Variants in SLBP observed in about 807,000 individuals in gnomAD.
The protein encoded by SLBP is histone RNA hairpin-binding protein.
SLBP carries 29 observed loss-of-function variants against 39.2 expected under a neutral mutation model. That is an observed-to-expected ratio of 0.74 (90% confidence interval 0.55 to 1.01). The LOEUF is 1.01. SLBP is among the 50% of genes least tolerant of loss of function. The probability of loss-of-function intolerance (pLI) is 0.00; values close to 1 mark genes in which losing one functional copy is unlikely to be tolerated. For missense variants in SLBP, 390 were observed against 350.2 expected, an observed-to-expected ratio of 1.11 and a Z score of -0.91; for synonymous variants, 129 against 118.7, an observed-to-expected ratio of 1.09 and a Z score of -0.57.
intron 2 of SLBP, among the ~76,000 whole-genome samples, chr4:1,710,604 T>G (rs868519151): frequency 1.3e-5 from 2 of 152,208 alleles, no homozygotes; most frequent in East Asian, 3.8e-4. Flanking sequence ...AGGAGAAAGA[T>G]CTACATGTTC....
At chr4:1,703,306 T>G (rs1716399401) in intron 3 of SLBP, among the ~76,000 whole-genome samples, 1 of 151,398 alleles carries the variant, frequency 6.6e-6, no homozygotes, top group Admixed American at 6.6e-5. Flanking sequence ...AACACCATTG[T>G]GCACCTACTT....
chr4:1,694,688 G>A (rs1716040628), intron 7 of SLBP, 86 bp downstream of exon 7: 1 of 1,012,860 alleles, frequency 9.9e-7, no homozygotes, highest in Non-Finnish European at 1.6e-6. Flanking sequence ...ACCGTGCCCA[G>A]TCCAAACTTC....
At chr4:1,709,569 TGACGCCTGC>T (rs1016337264) in intron 2 of SLBP, among the ~76,000 whole-genome samples, 1 of 151,968 alleles carries the variant, frequency 6.6e-6, no homozygotes, top group African/African-American at 2.4e-5. Flanking sequence ...ATTACGCCTA[TGACGCCTGC>T]CTCCCTTTCA....
intron 5 of SLBP, among the ~76,000 whole-genome samples, chr4:1,698,292 C>T (rs1027892133): frequency 1.3e-5 from 2 of 151,022 alleles, no homozygotes; most frequent in African/African-American, 4.9e-5. Context: ...TGAAATTGCG[C>T]CACTGCACTC....
chr4:1,702,682 G>A (rs1716369831), intron 3 of SLBP, among the ~76,000 whole-genome samples: 1 of 152,220 alleles, frequency 6.6e-6, no homozygotes, highest in South Asian at 2.1e-4. Flanking sequence ...ATTAAACATG[G>A]TTAAGGATGC....
intron 3 of SLBP, 100 bp from the exon 4 acceptor site, chr4:1,700,170 T>A: frequency 4.3e-6 from 3 of 691,564 alleles, no homozygotes; most frequent in Non-Finnish European, 7.2e-6. Context: ...CACACCATCC[T>A]ATGCAATCCA....
At chr4:1,711,294 G>T (rs1009395089) in intron 2 of SLBP, among the ~76,000 whole-genome samples, 1 of 151,406 alleles carries the variant, frequency 6.6e-6, no homozygotes, top group Non-Finnish European at 1.5e-5. Context: ...GCCTTTCAGG[G>T]AACTCAGGAG....
intron 2 of SLBP, 26 bp downstream of exon 2, chr4:1,711,847 GC>G (rs1445198918): frequency 8.1e-7 from 1 of 1,232,008 alleles, no homozygotes; most frequent in African/African-American, 1.6e-5. Flanking sequence ...GCCCCACCGC[GC>G]CCCGACCCCC....
intron 2 of SLBP, among the ~76,000 whole-genome samples, chr4:1,707,669 G>T (rs375083068): frequency 6.6e-6 from 1 of 151,834 alleles, no homozygotes; most frequent in South Asian, 2.1e-4. Flanking sequence ...ATACTGGGCC[G>T]GGTGCACAGG....
At chr4:1,694,102 A>G (rs1716017161) in intron 7 of SLBP, among the ~76,000 whole-genome samples, 1 of 152,222 alleles carries the variant, frequency 6.6e-6, no homozygotes, top group Non-Finnish European at 1.5e-5. Context: ...TTTTCTCTTG[A>G]GACAGAGTCT....
chr4:1,693,437 A>C lies in SLBP; in HGVS notation c.*160T>G. The C allele has an allele frequency of 6.6e-6, 4 of 605,618 alleles. No individual in the cohort carries two copies. The highest frequency in any genetic ancestry group is 1.2e-5 in the Non-Finnish European group (4 of 336,482). 37.5% of individuals were successfully genotyped at this position (605,618 alleles called of 1,614,324 possible). A position where few individuals can be genotyped will look rare whatever the true frequency, so the allele number is the denominator to read the frequency against. ...AAATATACTCACTATACATAAAATT[A>C]ATGTTTCTTAAGAAAGTAAGGCAAA... is the stretch of plus-strand genomic sequence containing the variant. On this transcript the variant is annotated 3_prime_UTR_variant, in exon 8 of 8. Coordinates refer to ENST00000489418, the MANE Select transcript of SLBP (RefSeq NM_006527.4).
intron 2 of SLBP, among the ~76,000 whole-genome samples, chr4:1,709,674 C>T (rs542870303): frequency 8.6e-4 from 128 of 148,278 alleles, no homozygotes; most frequent in African/African-American, 3.1e-3. Flanking sequence ...TGTAGTGGGG[C>T]GATCTCGGCT....
At chr4:1,706,806 GGA>G (rs1415895151) in intron 2 of SLBP, among the ~76,000 whole-genome samples, 2 of 151,818 alleles carry the variant, frequency 1.3e-5, no homozygotes, top group African/African-American at 4.8e-5. Flanking sequence ...CCAGCCTGGG[GGA>G]GAGAGACCCC....
rs371925854 is a variant in SLBP, at chr4:1,699,501, G to A, written c.479+63C>T. 11 of 1,556,418 alleles carry A rather than the reference G, an allele frequency of 7.1e-6. No individual in the cohort carries two copies. The African/African-American group carries it at 1.5e-4, about 21-fold the overall frequency. On this transcript the variant is annotated intron_variant, in intron 5 of 7. Transcript: ENST00000489418. ...GCATCATTTGTACTACCCAATCTAAGCAACTCTTTAGAAACGCAATGCCAC... is the reference window on the plus strand; with the variant it reads ...GCATCATTTGTACTACCCAATCTAAACAACTCTTTAGAAACGCAATGCCAC...
Position 1,708,931 on chromosome 4 carries a change from G to A in SLBP, c.176+2943C>T, listed in dbSNP as rs80341698. Among the ~76,000 whole-genome samples, 327 of 152,316 alleles carry A rather than the reference G, an allele frequency of 2.1e-3. 1 individual carries two copies. The highest frequency in any genetic ancestry group is 7.7e-3 in the African/African-American group (319 of 41,568). On this transcript the variant is annotated intron_variant, in intron 2 of 7. Transcript: ENST00000489418. ...TCCATAACTTCTAAAGCACTGTAAG[G>A]ATTTAATATTTTTATCTTCAGCTAA...
At chr4:1,694,634 G>A (rs548934250) in intron 7 of SLBP, 140 bp downstream of exon 7, 13 of 648,602 alleles carry the variant, frequency 2.0e-5, no homozygotes, top group Non-Finnish European at 2.8e-5. Context: ...CAGGTGATCC[G>A]CCTGCCTTGG....
chr4:1,696,235 G>T lies in SLBP; in HGVS notation c.596C>A (p.Pro199His). ...CAAATCACATCCTTCTTCCGCTGGA[G>T]GATCCCAAAAATGCAGAGCCACCTT... ...LWKVALHFWDPPAEEGCDLQE... is the reference protein window; with the variant it reads ...LWKVALHFWDHPAEEGCDLQE... Residue 199 changes from proline to histidine, a missense_variant, in exon 6 of 8, where the codon CCT becomes CAT. Transcript: ENST00000489418. 3 of 1,599,546 alleles carry T rather than the reference G, an allele frequency of 1.9e-6. No homozygotes were observed. Among genetic ancestry groups the T allele is most frequent in the Non-Finnish European group, 2.6e-6 (3 of 1,174,668 alleles).
intron 1 of SLBP, 21 bp downstream of exon 1, chr4:1,712,109 C>T (rs1398306701): frequency 1.6e-6 from 2 of 1,226,726 alleles, no homozygotes; most frequent in South Asian, 7.9e-5. Flanking sequence ...CTCCCTCGCC[C>T]GCCGCGCAGC....
Position 1,693,702 on chromosome 4 carries a change from A to G in SLBP, c.708T>C (p.Ser236=). The G allele has an allele frequency of 3.7e-6, 6 of 1,608,466 alleles. No individual in the cohort carries two copies. The highest frequency in any genetic ancestry group is 5.1e-6 in the Non-Finnish European group (6 of 1,174,894). The change falls in exon 8 of 8, where the codon TCT becomes TCC. Residue 236 remains serine, a synonymous_variant. Coordinates refer to ENST00000489418, the MANE Select transcript of SLBP (RefSeq NM_006527.4). ...TGTGTCTCACCTTGGTGGGTGTGCC[A>G]GAGTACACATCCTGGAAAACAGAAG... ...TSSQDDFDVY[S]GTPTKVRHMD...
Sources: allele counts gnomAD v4.1 joint callset (sites outside exome capture counted in the v4.1 genomes callset), GRCh38; gene constraint gnomAD v4.1.1; transcripts MANE v1.5; gene names NCBI Gene and HGNC (gene_info 2026-07-23, HGNC 2026-07-21).